KDM4B: variants seen among roughly 807,000 people sequenced by gnomAD.
KDM4B encodes the protein lysine demethylase 4B.
Under a neutral mutation model 125.2 loss-of-function variants are expected in KDM4B, and 32 were observed. The observed-to-expected ratio is 0.26, with a 90% CI of 0.19 to 0.34. The LOEUF (loss-of-function observed/expected upper bound fraction) is 0.34. Ranked by LOEUF, KDM4B falls within the 10% of genes least tolerant of loss-of-function variation. The pLI is 1.00. For missense variants in KDM4B, 1,190 were observed against 1,577.7 expected (o/e 0.75, Z 4.16); for synonymous variants, 721 against 677.9 (o/e 1.06, Z -0.99).
At chr19:5,149,955 A>C (rs1461351708) in intron 21 of KDM4B, among the ~76,000 whole-genome samples, 1 of 152,140 alleles carries the variant, frequency 6.6e-6, no homozygotes, top group Non-Finnish European at 1.5e-5. Context: ...CCTGCCTCCC[A>C]GGCCCTGTTA....
intron 8 of KDM4B, among the ~76,000 whole-genome samples, chr19:5,080,043 G>A (rs963913445): frequency 1.3e-5 from 2 of 152,320 alleles, no homozygotes; most frequent in East Asian, 1.9e-4. Context: ...CTGGGGCCAC[G>A]TGTGTTCCCC....
chr19:5,048,952 T>TGAGGACTTCAGTGCC (rs2037130589), intron 6 of KDM4B, among the ~76,000 whole-genome samples: 2 of 152,040 alleles, frequency 1.3e-5, no homozygotes, highest in Non-Finnish European at 2.9e-5. Context: ...GAGTCAGACG[T>TGAGGACTTCAGTGCC]GAGGACTTCA....
chr19:5,006,993 G>A (rs781221121), intron 1 of KDM4B, among the ~76,000 whole-genome samples: 7 of 152,172 alleles, frequency 4.6e-5, no homozygotes, highest in Non-Finnish European at 1.0e-4. Flanking sequence ...GCAGAAGCAT[G>A]GGGCTCACGA....
chr19:5,150,936 C>T (rs1371427438), intron 22 of KDM4B, among the ~76,000 whole-genome samples: 1 of 152,204 alleles, frequency 6.6e-6, no homozygotes, highest in Admixed American at 6.5e-5. Flanking sequence ...AGCTTTCGCT[C>T]CCCCAGCCCT....
In KDM4B at chr19:5,035,632, C is replaced by G. The variant is rs1017958929; in HGVS notation, c.141+2601C>G. 3.2e-4 allele frequency among the ~76,000 whole-genome samples: 49 copies of G among 152,302 alleles called. No homozygotes were observed. The highest frequency in any genetic ancestry group is 8.3e-4 in the South Asian group (4 of 4,818). On this transcript the variant is annotated intron_variant, in intron 3 of 22. Transcript: ENST00000159111. The surrounding 1 kb of genome is among the most constrained non-coding windows in gnomAD (Gnocchi z 5.3). ...CTGCTTCAGGTTTCTGCACTCCCCC[C>G]AGGCCAGTTCCCCCGAGATTCTTGG...
intron 2 of KDM4B, among the ~76,000 whole-genome samples, chr19:5,031,248 C>A (rs1486330451): frequency 6.6e-6 from 1 of 152,208 alleles, no homozygotes; most frequent in Non-Finnish European, 1.5e-5. Context: ...GGCGAGGGGC[C>A]CGCTGGGACA....
intron 1 of KDM4B, among the ~76,000 whole-genome samples, chr19:4,981,734 G>A (rs2034650309): frequency 6.6e-6 from 1 of 152,208 alleles, no homozygotes; most frequent in African/African-American, 2.4e-5. Context: ...CACCTGCTCT[G>A]CAGTGCTCTC....
rs531764768 is a variant in KDM4B, at chr19:5,141,315, G to A, written c.2551-2652G>A. ...CCGGCAGCCCGCGGGTGATGCTTCC[G>A]AGGCACCAGTGACTCAGTCCACAAA... On this transcript the variant is annotated intron_variant, in intron 18 of 22. Transcript: ENST00000159111. This position sits in a 1 kb window ranked among gnomAD's most constrained non-coding sequence, Gnocchi z 6.4. 5 of 152,264 alleles carry A rather than the reference G, an allele frequency of 3.3e-5. No individual in the cohort carries two copies. The highest frequency in any genetic ancestry group is 9.6e-5 in the African/African-American group (4 of 41,542). The allele number at this position is 152,264 out of a possible 1,614,324, so 9.4% of individuals were successfully genotyped here. A position where few individuals can be genotyped will look rare whatever the true frequency, so the allele number is the denominator to read the frequency against.
intron 1 of KDM4B, among the ~76,000 whole-genome samples, chr19:4,999,754 TATCC>T (rs1031748371): frequency 3.7e-5 from 3 of 82,130 alleles, no homozygotes; most frequent in Middle Eastern, 7.6e-3. Flanking sequence ...TCTATCCATC[TATCC>T]ATCCATCCAT....
intron 1 of KDM4B, among the ~76,000 whole-genome samples, chr19:4,982,471 A>AG (rs2034676991): frequency 6.6e-6 from 1 of 151,216 alleles, no homozygotes; most frequent in Non-Finnish European, 1.5e-5. Context: ...AAAAAAAAAA[A>AG]GCCTCTAGAA....
In KDM4B at chr19:5,060,072, G is replaced by A. The variant is rs574556940; in HGVS notation, c.627-10938G>A. On this transcript the variant is annotated intron_variant, in intron 6 of 22. Transcript: ENST00000159111. ...GCCAGGCCAGCACCTCCTTGGGCCC[G>A]TGTTGAGGCCCCACGGGGCTGGGCT... 1.2e-4 allele frequency among the ~76,000 whole-genome samples: 19 copies of A among 152,224 alleles called. No individual in the cohort carries two copies. The South Asian group carries it at 2.5e-3, about 20-fold the overall frequency.
chr19:5,117,164 G>A (rs2039272842), intron 10 of KDM4B, among the ~76,000 whole-genome samples: 1 of 152,324 alleles, frequency 6.6e-6, no homozygotes, highest in African/African-American at 2.4e-5. Flanking sequence ...GGGCTGGGCT[G>A]CAAGGATGAG....
intron 6 of KDM4B, among the ~76,000 whole-genome samples, chr19:5,066,919 G>T (rs2037787438): frequency 6.6e-6 from 1 of 152,214 alleles, no homozygotes; most frequent in African/African-American, 2.4e-5. Flanking sequence ...GTGGACAGTG[G>T]TGCAGAGGAG....
chr19:5,007,467 A>G (rs2035595785), intron 1 of KDM4B, among the ~76,000 whole-genome samples: 1 of 151,628 alleles, frequency 6.6e-6, no homozygotes, highest in South Asian at 2.1e-4. Context: ...TTCTGCATAC[A>G]AGTTCCTTAT....
chr19:5,084,293 ATATAATTTATATATTATG>A (rs2038398727), intron 9 of KDM4B, among the ~76,000 whole-genome samples: 1 of 146,420 alleles, frequency 6.8e-6, no homozygotes, highest in East Asian at 2.0e-4. Flanking sequence ...TATATGTTAT[ATATAATTTATATATTATG>A]TATAATTTAT....
chr19:5,135,648 G>A (rs942008003), intron 15 of KDM4B, 87 bp downstream of exon 15: 36 of 1,169,278 alleles, frequency 3.1e-5, no homozygotes, highest in Admixed American at 6.7e-5. Flanking sequence ...CCTCCCCTGC[G>A]GAGGGCCACA....
intron 1 of KDM4B, among the ~76,000 whole-genome samples, chr19:5,012,052 T>C (rs2035745139): frequency 6.6e-6 from 1 of 152,202 alleles, no homozygotes; most frequent in South Asian, 2.1e-4. Flanking sequence ...TGTCGTCCGA[T>C]GCCTTGGGCT....
intron 5 of KDM4B, among the ~76,000 whole-genome samples, chr19:5,041,934 G>C (rs1427027064): frequency 6.6e-6 from 1 of 152,230 alleles, no homozygotes; most frequent in Non-Finnish European, 1.5e-5. Context: ...GCCCGCAGGG[G>C]ACTGGGTTTG....
At position 4,971,401 on chromosome 19, in the gene KDM4B, T is replaced by C. The variant is rs1284725517; in HGVS notation, c.-109+2171T>C. Among the ~76,000 whole-genome samples the C allele has an allele frequency of 6.6e-6, 1 of 151,492 alleles. No individual in the cohort carries two copies. Among genetic ancestry groups the C allele is most frequent in the East Asian group, 2.0e-4 (1 of 5,100 alleles). On this transcript the variant is annotated intron_variant, in intron 1 of 22. Transcript: ENST00000159111. This position sits in a 1 kb window ranked among gnomAD's most constrained non-coding sequence, Gnocchi z 4.1. ...CCACCTGACCACTCTGCCTGTACTTTAATTCCTAATTTCTCTGTCTCCTCT... is the reference window on the plus strand; with the variant it reads ...CCACCTGACCACTCTGCCTGTACTTCAATTCCTAATTTCTCTGTCTCCTCT...
Sources: allele counts gnomAD v4.1 joint callset (sites outside exome capture counted in the v4.1 genomes callset), GRCh38; gene constraint gnomAD v4.1.1; non-coding constraint Gnocchi (gnomAD v3.1); transcripts MANE v1.5; gene names NCBI Gene and HGNC (gene_info 2026-07-23, HGNC 2026-07-21).